The following MAP2K6 variants were observed in gnomAD, a reference collection of about 807,000 sequenced individuals.
The protein encoded by MAP2K6 is mitogen-activated protein kinase kinase 6, also known as dual specificity mitogen-activated protein kinase kinase 6.
MAP2K6 carries 16 observed loss-of-function variants against 53.7 expected under a neutral mutation model. That is an observed-to-expected ratio of 0.30 (90% CI 0.20 to 0.45). The LOEUF is 0.45. MAP2K6 is among the 20% of genes least tolerant of loss of function. The pLI is 1.00. For missense variants in MAP2K6, 204 were observed against 411.9 expected (o/e 0.50, Z 4.37); for synonymous variants, 132 against 143.1 (o/e 0.92, Z 0.55).
At chr17:69,468,218 C>T (rs775528640) in intron 1 of MAP2K6, among the ~76,000 whole-genome samples, 1 of 152,180 alleles carries the variant, frequency 6.6e-6, no homozygotes, top group Non-Finnish European at 1.5e-5. Context: ...TTCAGAGTTC[C>T]TTCTCCCCAT....
At chr17:69,440,809 A>G (rs1004974236) in intron 1 of MAP2K6, among the ~76,000 whole-genome samples, 7 of 150,532 alleles carry the variant, frequency 4.7e-5, no homozygotes, top group African/African-American at 9.8e-5. Flanking sequence ...TTAGAAATCT[A>G]TTGTTACTCA....
chr17:69,515,014 T>C (rs999100518), intron 2 of MAP2K6, among the ~76,000 whole-genome samples: 1 of 152,212 alleles, frequency 6.6e-6, no homozygotes, highest in African/African-American at 2.4e-5. Context: ...TTTTCTGGCA[T>C]GGAATGTGCT....
chr17:69,487,837 A>G (rs1480702796), intron 1 of MAP2K6, among the ~76,000 whole-genome samples: 2 of 152,222 alleles, frequency 1.3e-5, no homozygotes, highest in African/African-American at 2.4e-5. Context: ...GAGAATTTCC[A>G]TCAATAATAT....
intron 7 of MAP2K6, 177 bp downstream of exon 7, chr17:69,521,277 G>A: frequency 2.1e-6 from 1 of 479,228 alleles, no homozygotes. Flanking sequence ...TCCTTATCAT[G>A]GCTGAGGACA....
At chr17:69,504,400 C>T (rs1040979239) in intron 1 of MAP2K6, 1 of 152,458 alleles carries the variant, frequency 6.6e-6, no homozygotes, top group Non-Finnish European at 1.5e-5. Flanking sequence ...CTCAGCCTCC[C>T]CTGTAGCTGG....
At chr17:69,485,534 G>A (rs1908501686) in intron 1 of MAP2K6, 5 of 853,808 alleles carry the variant, frequency 5.9e-6, no homozygotes, top group Non-Finnish European at 7.0e-6. Flanking sequence ...ACCTATTGTG[G>A]CTGTTCCTAA....
intron 7 of MAP2K6, chr17:69,521,829 A>C (rs1910498290): frequency 6.6e-6 from 1 of 151,210 alleles, no homozygotes; most frequent in Non-Finnish European, 1.5e-5. Context: ...AAAAAAAAAA[A>C]AAAACCACCT....
At position 69,541,885 on chromosome 17, in the gene MAP2K6, C is replaced by A; in HGVS notation, c.*132C>A. On this transcript the variant is annotated 3_prime_UTR_variant, in exon 12 of 12. Transcript: ENST00000590474. ...CTGCCTCTCAGAGGGTTTTCTCTCC[C>A]AATTTTCTTTTTACTCCCCCTCTTA... The A allele has an allele frequency of 1.6e-6, 1 of 638,422 alleles. No individual in the cohort carries two copies. Among genetic ancestry groups the A allele is most frequent in the Non-Finnish European group, 2.7e-6 (1 of 369,998 alleles). 39.5% of individuals were successfully genotyped at this position (638,422 alleles called of 1,614,324 possible).
intron 1 of MAP2K6, among the ~76,000 whole-genome samples, chr17:69,476,170 A>C (rs1254742080): frequency 6.6e-6 from 1 of 152,168 alleles, no homozygotes; most frequent in Non-Finnish European, 1.5e-5. Context: ...ATATGTGTGA[A>C]GACATATATA....
chr17:69,445,419 A>G (rs1179490346), intron 1 of MAP2K6, among the ~76,000 whole-genome samples: 1 of 152,218 alleles, frequency 6.6e-6, no homozygotes, highest in East Asian at 1.9e-4. Flanking sequence ...CAAAAGTGAA[A>G]TTGTAAATGT....
intron 1 of MAP2K6, among the ~76,000 whole-genome samples, chr17:69,457,290 A>G (rs1242515483): frequency 2.0e-5 from 3 of 151,794 alleles, no homozygotes; most frequent in African/African-American, 7.3e-5. Context: ...CCATTACACT[A>G]TTTTCCCTGT....
intron 1 of MAP2K6, among the ~76,000 whole-genome samples, chr17:69,473,196 A>G (rs1337166280): frequency 6.6e-6 from 1 of 152,216 alleles, no homozygotes; most frequent in Non-Finnish European, 1.5e-5. Context: ...GCTTAAAGTC[A>G]CAGTTTTCAA....
At chr17:69,458,922 A>G (rs1907517467) in intron 1 of MAP2K6, among the ~76,000 whole-genome samples, 1 of 152,034 alleles carries the variant, frequency 6.6e-6, no homozygotes, top group African/African-American at 2.4e-5. Context: ...TTTCAAATTC[A>G]CTGACCTTTT....
chr17:69,448,425 G>A (rs9892444), intron 1 of MAP2K6, among the ~76,000 whole-genome samples: 69,955 of 151,760 alleles, frequency 0.46, 16,745 homozygotes, highest in East Asian at 0.61. Flanking sequence ...TGGAGAGTCC[G>A]TTAAGGTTGC....
chr17:69,418,337 T>C (rs1424745254), intron 1 of MAP2K6, among the ~76,000 whole-genome samples: 1 of 152,210 alleles, frequency 6.6e-6, no homozygotes, highest in East Asian at 1.9e-4. Context: ...TCTCTTGTCT[T>C]TGTTTTTCAG....
intron 1 of MAP2K6, among the ~76,000 whole-genome samples, chr17:69,491,166 C>T (rs1056301934): frequency 1.1e-4 from 15 of 141,444 alleles, no homozygotes; most frequent in Admixed American, 2.7e-4. Context: ...TTTTTTTTGA[C>T]GGAGTCTCAC....
intron 1 of MAP2K6, among the ~76,000 whole-genome samples, chr17:69,462,109 C>A (rs542299442): frequency 2.0e-5 from 3 of 152,288 alleles, no homozygotes; most frequent in Non-Finnish European, 4.4e-5. Flanking sequence ...TCCTTCTCAG[C>A]GCCCCCTGCT....
intron 1 of MAP2K6, among the ~76,000 whole-genome samples, chr17:69,451,142 T>C (rs1415397350): frequency 6.6e-6 from 1 of 152,140 alleles, no homozygotes; most frequent in Non-Finnish European, 1.5e-5. Flanking sequence ...GGCAAACAAT[T>C]AGAGTTAACA....
chr17:69,466,245 G>A (rs375831010), intron 1 of MAP2K6, among the ~76,000 whole-genome samples: 3 of 147,958 alleles, frequency 2.0e-5, no homozygotes, highest in Non-Finnish European at 3.0e-5. Flanking sequence ...TGAGCCAAGA[G>A]CAAGCCACTA....
Sources: gnomAD v4.1 joint callset for allele counts (sites outside exome capture counted in the v4.1 genomes callset) on GRCh38, gnomAD v4.1.1 for gene constraint, MANE v1.5 for transcripts, NCBI Gene and HGNC (gene_info 2026-07-23, HGNC 2026-07-21) for gene names.